Variants in TDRD9 observed in about 807,000 individuals in gnomAD.
TDRD9 encodes the protein tudor domain containing 9.
Under a neutral mutation model 172.6 loss-of-function variants are expected in TDRD9, and 124 were observed. That is an observed-to-expected ratio of 0.72 (90% confidence interval 0.62 to 0.83). The LOEUF (loss-of-function observed/expected upper bound fraction) is 0.83, where lower values mean the gene tolerates loss of function less well. Ranked by LOEUF, TDRD9 falls within the 40% of genes least tolerant of loss-of-function variation. TDRD9 has a pLI of 0.00. For missense variants in TDRD9, 1,479 were observed against 1,714.1 expected, an observed-to-expected ratio of 0.86 and a Z score of 2.42; for synonymous variants, 619 against 617.1, an observed-to-expected ratio of 1.00 and a Z score of -0.05.
intron 28 of TDRD9, among the ~76,000 whole-genome samples, 174 bp downstream of exon 28, chr14:104,027,113 C>T (rs2035147858): frequency 6.6e-6 from 1 of 152,212 alleles, no homozygotes; most frequent in African/African-American, 2.4e-5. Context: ...TTCTAGCTTT[C>T]TCTGAGACTA....
chr14:104,015,899 A>G (rs1309465309), intron 21 of TDRD9, 82 bp from the exon 22 acceptor site: 12 of 973,148 alleles, frequency 1.2e-5, no homozygotes, highest in Non-Finnish European at 1.7e-5. Context: ...ATGTCATATC[A>G]TGCTGGGTTG....
chr14:104,030,447 C>T (rs778871038), intron 28 of TDRD9, among the ~76,000 whole-genome samples: 18 of 152,242 alleles, frequency 1.2e-4, no homozygotes, highest in African/African-American at 2.6e-4. Context: ...GCTGAGATTG[C>T]GCCATTGCAC....
intron 34 of TDRD9, among the ~76,000 whole-genome samples, chr14:104,045,876 CTG>C (rs1465474686): frequency 6.6e-6 from 1 of 152,252 alleles, no homozygotes; most frequent in Admixed American, 6.5e-5. Flanking sequence ...AGCTCCAGAA[CTG>C]TGAGAAATCA....
intron 34 of TDRD9, among the ~76,000 whole-genome samples, chr14:104,046,898 G>A (rs1054067688): frequency 3.9e-5 from 6 of 151,912 alleles, no homozygotes; most frequent in Middle Eastern, 3.4e-3. Context: ...CGCCCACCTC[G>A]GCCTCCCAAA....
At chr14:104,051,253 G>A (rs1057216584) in intron 35 of TDRD9, among the ~76,000 whole-genome samples, 20 of 152,158 alleles carry the variant, frequency 1.3e-4, no homozygotes, top group Non-Finnish European at 2.4e-4. Context: ...TAAGGTAATG[G>A]CCTCCAGCTG....
At chr14:104,041,731 C>T (rs965690641) in intron 33 of TDRD9, among the ~76,000 whole-genome samples, 4 of 152,186 alleles carry the variant, frequency 2.6e-5, no homozygotes, top group Non-Finnish European at 5.9e-5. Context: ...ACCTTTTGTT[C>T]ATTGCTGGTG....
intron 1 of TDRD9, among the ~76,000 whole-genome samples, chr14:103,950,223 G>A (rs2031800047): frequency 1.3e-5 from 2 of 151,536 alleles, no homozygotes; most frequent in South Asian, 4.2e-4. Flanking sequence ...CCTAGTAGCT[G>A]GGATTATAGG....
chr14:104,006,284 T>C, intron 15 of TDRD9, 105 bp from the exon 16 acceptor site: 1 of 874,982 alleles, frequency 1.1e-6, no homozygotes, highest in Non-Finnish European at 1.8e-6. Context: ...AGAATGTTAT[T>C]CACCAAAATT....
rs1159071841 is a variant in TDRD9 at position 104,032,040 on chromosome 14, C to A, written c.3462C>A (p.Asn1154Lys). 6.5e-7 allele frequency: 1 copy of A among 1,549,120 alleles called. No individual in the cohort carries two copies. The highest frequency in any genetic ancestry group is 8.7e-7 in the Non-Finnish European group (1 of 1,146,298). Residue 1154 changes from asparagine (N) to lysine (K), a missense_variant, in exon 30 of 36, where the codon AAC (asparagine) becomes AAA (lysine). Coordinates refer to ENST00000409874, the MANE Select transcript of TDRD9 (RefSeq NM_153046.3). Reference sequence around the variant, plus strand: ...AGGCAGAACTTCACGGGCCTTTTAACCCTTATGAACTAAAGTGCCATAGTT... The same window carrying A: ...AGGCAGAACTTCACGGGCCTTTTAAACCTTATGAACTAAAGTGCCATAGTT... ...NCKAELHGPF[N>K]PYELKCHSLT...
intron 35 of TDRD9, among the ~76,000 whole-genome samples, chr14:104,050,171 T>A (rs1332960351): frequency 6.6e-6 from 1 of 152,270 alleles, no homozygotes; most frequent in East Asian, 1.9e-4. Context: ...TGTGGGTCCT[T>A]GTGAGGACCT....
intron 2 of TDRD9, among the ~76,000 whole-genome samples, chr14:103,957,782 G>A (rs574076571): frequency 1.3e-5 from 2 of 152,284 alleles, no homozygotes; most frequent in South Asian, 4.1e-4. Context: ...GGCACAGGCA[G>A]CAGCCCGGCA....
intron 1 of TDRD9, among the ~76,000 whole-genome samples, chr14:103,942,508 G>T (rs138049411): frequency 2.6e-5 from 4 of 152,334 alleles, no homozygotes; most frequent in Admixed American, 6.5e-5. Flanking sequence ...CCATAGATGC[G>T]CTCCGAGCTA....
intron 29 of TDRD9, among the ~76,000 whole-genome samples, chr14:104,031,468 GTTTT>G (rs55696833): frequency 9.5e-6 from 1 of 105,098 alleles, no homozygotes; most frequent in Non-Finnish European, 1.9e-5. Flanking sequence ...GCTTTGACTA[GTTTT>G]TTTTTTTTTT....
chr14:103,992,008 G>A (rs1951584), intron 9 of TDRD9, among the ~76,000 whole-genome samples: 148,252 of 152,280 alleles, frequency 0.97, 72,293 homozygotes, highest in East Asian at 1. Context: ...TTTTACATAT[G>A]TCGTTATAAA....
intron 7 of TDRD9, among the ~76,000 whole-genome samples, chr14:103,976,239 T>C (rs142992924): frequency 6.6e-6 from 1 of 152,272 alleles, no homozygotes; most frequent in African/African-American, 2.4e-5. Flanking sequence ...TAATTGTGTG[T>C]ATATACTATA....
intron 2 of TDRD9, among the ~76,000 whole-genome samples, chr14:103,956,914 AT>A (rs1411093581): frequency 6.6e-6 from 1 of 152,068 alleles, no homozygotes; most frequent in African/African-American, 2.4e-5. Flanking sequence ...TCTGTCATAG[AT>A]TTCTGCTAGT....
intron 1 of TDRD9, chr14:103,940,516 G>T (rs2031156239): frequency 1.1e-5 from 3 of 264,324 alleles, no homozygotes; most frequent in African/African-American, 4.4e-5. Flanking sequence ...GAATTTGTCA[G>T]ACTTCATACT....
chr14:103,961,336 T>C (rs1448910387), intron 2 of TDRD9, among the ~76,000 whole-genome samples: 1 of 152,016 alleles, frequency 6.6e-6, no homozygotes, highest in African/African-American at 2.4e-5. Flanking sequence ...ATCTCAGCAA[T>C]TTGAGAGGCC....
At chr14:103,984,713 G>A (rs969266916) in intron 7 of TDRD9, among the ~76,000 whole-genome samples, 1 of 152,202 alleles carries the variant, frequency 6.6e-6, no homozygotes, top group African/African-American at 2.4e-5. Context: ...TCCAACTGGG[G>A]CACCACCTAA....
Sources: gnomAD v4.1 joint callset for allele counts (sites outside exome capture counted in the v4.1 genomes callset) on GRCh38, gnomAD v4.1.1 for gene constraint, MANE v1.5 for transcripts, NCBI Gene and HGNC (gene_info 2026-07-23, HGNC 2026-07-21) for gene names.